UBE2O: variants seen among roughly 807,000 people sequenced by gnomAD.
UBE2O encodes ubiquitin conjugating enzyme E2 O.
A neutral mutation model predicts 125.8 loss-of-function variants in UBE2O; 15 were observed. The ratio of observed to expected loss-of-function variants is 0.12; its 90% CI spans 0.08 to 0.18. UBE2O has a LOEUF of 0.18. Among genes scored for constraint, UBE2O ranks in the 10% least tolerant of loss-of-function variants. UBE2O has a pLI of 1.00. For synonymous variants in UBE2O, 708 were observed against 703.2 expected, an observed-to-expected ratio of 1.01 and a Z score of -0.11; for missense variants, 1,280 against 1,723.6, an observed-to-expected ratio of 0.74 and a Z score of 4.56.
Position 76,398,575 on chromosome 17 carries a change from C to G in UBE2O, c.1793G>C (p.Cys598Ser). Residue 598 changes from cysteine (C) to serine (S), a missense_variant, in exon 11 of 18, where the codon TGT (cysteine) becomes TCT (serine). Cys to Ser is a moderately radical substitution (Grantham distance 112, BLOSUM62 -1). This residue lies in a region of UBE2O where 145 missense variants were observed against 219.6 expected (regional missense o/e 0.66). Coordinates refer to ENST00000319380, the MANE Select transcript of UBE2O (RefSeq NM_022066.4). The surrounding 1 kb of genome is among the most constrained non-coding windows in gnomAD (Gnocchi z 5.4). ...CACACCGTAGACAGCAGGGTCTGGA[C>G]AGCTCTGGACTAGGGAACCAGAGAA... Reference protein sequence around the residue: ...DFVVDKRVQSCPDPAVYGVVQ... With the variant: ...DFVVDKRVQSSPDPAVYGVVQ... 1 of 1,613,922 alleles carries G rather than the reference C, an allele frequency of 6.2e-7. No homozygotes were observed. The highest frequency in any genetic ancestry group is 8.5e-7 in the Non-Finnish European group (1 of 1,179,910).
Position 76,396,846 on chromosome 17 carries a change from G to T in UBE2O, c.2116-25C>A. The stretch of plus-strand genomic sequence containing the variant: ...GCTGGGGGCAGAAGGGAAGTGCCAG[G>T]GTAAGCAGACAGGAAGTCACCTCCC... On this transcript the variant is annotated intron_variant, in intron 13 of 17. Coordinates refer to ENST00000319380, the MANE Select transcript of UBE2O (RefSeq NM_022066.4). This position sits in a 1 kb window ranked among gnomAD's most constrained non-coding sequence, Gnocchi z 6.7. 6.4e-7 allele frequency: 1 copy of T among 1,551,040 alleles called. No homozygotes were observed. The highest frequency in any genetic ancestry group is 8.7e-7 in the Non-Finnish European group (1 of 1,146,768).
Position 76,400,416 on chromosome 17 carries a change from T to C in UBE2O, c.1004+25A>G. Reference sequence around the variant, plus strand: ...GCCCTGTCCCACGCGTGCCCCTGGGTTGCTGGCAGTAAGGGCATGCTTACC... The same window carrying C: ...GCCCTGTCCCACGCGTGCCCCTGGGCTGCTGGCAGTAAGGGCATGCTTACC... On this transcript the variant is annotated intron_variant, in intron 7 of 17. Transcript: ENST00000319380. This position sits in a 1 kb window ranked among gnomAD's most constrained non-coding sequence, Gnocchi z 4.3. The C allele has an allele frequency of 6.2e-7, 1 of 1,602,772 alleles. No homozygotes were observed. Among genetic ancestry groups the C allele is most frequent in the Non-Finnish European group, 8.5e-7 (1 of 1,173,096 alleles).
intron 1 of UBE2O, among the ~76,000 whole-genome samples, chr17:76,425,580 T>C (rs1035175784): frequency 2.0e-5 from 3 of 152,224 alleles, no homozygotes; most frequent in African/African-American, 7.2e-5. Context: ...ACCTAACTCT[T>C]ACCCTCCCCT....
In UBE2O at chr17:76,406,598, C is replaced by T. The variant is rs568993767; in HGVS notation, c.418-1026G>A. On this transcript the variant is annotated intron_variant, in intron 1 of 17. Transcript: ENST00000319380. ...AAAACAAACTCTGCTAGTAGAAGAACGTGACTCACAAAAAAAAAAAGGAAA... is the reference window on the plus strand; with the variant it reads ...AAAACAAACTCTGCTAGTAGAAGAATGTGACTCACAAAAAAAAAAAGGAAA... Among the ~76,000 whole-genome samples the T allele has an allele frequency of 3.8e-4, 56 of 148,866 alleles. No individual in the cohort carries two copies. In the South Asian group the frequency reaches 0.011, roughly 29 times the overall value.
intron 1 of UBE2O, among the ~76,000 whole-genome samples, chr17:76,436,253 T>C (rs2072996542): frequency 6.6e-6 from 1 of 152,038 alleles, no homozygotes; most frequent in Non-Finnish European, 1.5e-5. Flanking sequence ...TCTCAAAAAT[T>C]AATTAATTTA....
At position 76,415,961 on chromosome 17, in the gene UBE2O, G is replaced by A. The variant is rs142414938; in HGVS notation, c.418-10389C>T. Among the ~76,000 whole-genome samples the A allele has an allele frequency of 1.8e-4, 27 of 151,590 alleles. No homozygotes were observed. In the East Asian group the frequency reaches 4.1e-3, roughly 23 times the overall value. ...TATGCGTATACATATGCACATACAC[G>A]TATATACGTATGCGTATACATATGC... On this transcript the variant is annotated intron_variant, in intron 1 of 17. Coordinates refer to ENST00000319380, the MANE Select transcript of UBE2O (RefSeq NM_022066.4).
intron 1 of UBE2O, among the ~76,000 whole-genome samples, chr17:76,431,421 CAGG>C (rs2072904897): frequency 6.6e-6 from 1 of 152,130 alleles, no homozygotes; most frequent in South Asian, 2.1e-4. Flanking sequence ...GAGGCTGAGG[CAGG>C]AGAATTGCTT....
chr17:76,434,183 C>A (rs1350094189), intron 1 of UBE2O, among the ~76,000 whole-genome samples: 4 of 152,260 alleles, frequency 2.6e-5, no homozygotes, highest in Admixed American at 2.6e-4. Flanking sequence ...AGCGAAATGA[C>A]CCCGAGGATC....
At position 76,391,472 on chromosome 17, in the gene UBE2O, C is replaced by T. The variant is rs147935488; in HGVS notation, c.3350G>A (p.Arg1117Gln). 6.3e-5 allele frequency: 102 copies of T among 1,613,870 alleles called. No homozygotes were observed. Among genetic ancestry groups the T allele is most frequent in the Admixed American group, 2.0e-4 (12 of 60,016 alleles). Residue 1117 changes from arginine (R) to glutamine (Q), a missense_variant, in exon 18 of 18, where the codon CGG (arginine) becomes CAG (glutamine). By Grantham distance (43) the Arg-to-Gln change is conservative (BLOSUM62 1). This residue lies in a region of UBE2O where 233 missense variants were observed against 279.0 expected (regional missense o/e 0.84). Transcript: ENST00000319380. The surrounding 1 kb of genome is among the most constrained non-coding windows in gnomAD (Gnocchi z 8.4). The part of the protein sequence containing the change: ...RVVQSMTQLV[R>Q]RPPEVFEQEI... ...CTGCTCAAAGACCTCGGGGGGCCGC[C>T]GCACCAGCTGGGTCATGGACTGCAC...
rs757546901 is a variant in UBE2O, at chr17:76,396,106, G to A, written c.2809+22C>T. 3 of 1,608,738 alleles carry A rather than the reference G, an allele frequency of 1.9e-6. No homozygotes were observed. The highest frequency in any genetic ancestry group is 1.7e-5 in the Admixed American group (1 of 59,536). On this transcript the variant is annotated intron_variant, in intron 14 of 17. Transcript: ENST00000319380. The surrounding 1 kb of genome is among the most constrained non-coding windows in gnomAD (Gnocchi z 6.7). The stretch of plus-strand genomic sequence containing the variant: ...CCCCGAGAAGGCGGGGGAAGGCGAA[G>A]ACCAGGCAAGGGCTGACTCACAGGG...
chr17:76,432,705 G>A (rs775202975), intron 1 of UBE2O, among the ~76,000 whole-genome samples: 6 of 152,226 alleles, frequency 3.9e-5, no homozygotes, highest in Non-Finnish European at 8.8e-5. Context: ...CCATGGGAGA[G>A]AGGGAAGATC....
At chr17:76,439,910 A>G (rs1182130511) in intron 1 of UBE2O, among the ~76,000 whole-genome samples, 2 of 152,184 alleles carry the variant, frequency 1.3e-5, no homozygotes, top group Non-Finnish European at 2.9e-5. Flanking sequence ...CCTTATGTGC[A>G]TCAGTCATTC....
At chr17:76,415,795 CTGTGTGTG>C (rs34127040) in intron 1 of UBE2O, among the ~76,000 whole-genome samples, 100 of 143,282 alleles carry the variant, frequency 7.0e-4, no homozygotes, top group Middle Eastern at 3.6e-3. Flanking sequence ...CAGAGCAAGA[CTGTGTGTG>C]TGTGTGTGTG....
In UBE2O at chr17:76,402,708, CA is replaced by C; in HGVS notation, c.589-10del. ...TCCCCATACATGAAGGGCTGCAGACCAAGGAGGCAGGGGCAGTGAGACACAG... is the reference window on the plus strand; with the variant it reads ...TCCCCATACATGAAGGGCTGCAGACCAGGAGGCAGGGGCAGTGAGACACAG... On this transcript the variant is annotated splice_polypyrimidine_tract_variant and intron_variant, in intron 3 of 17. Transcript: ENST00000319380. This position sits in a 1 kb window ranked among gnomAD's most constrained non-coding sequence, Gnocchi z 5.4. 1.9e-6 allele frequency: 3 copies of C among 1,612,224 alleles called. No individual in the cohort carries two copies. Among genetic ancestry groups the C allele is most frequent in the African/African-American group, 2.7e-5 (2 of 74,974 alleles).
chr17:76,447,499 A>G (rs2073169779), intron 1 of UBE2O, among the ~76,000 whole-genome samples: 1 of 152,164 alleles, frequency 6.6e-6, no homozygotes, highest in Admixed American at 6.6e-5. Flanking sequence ...CATCTTTGTA[A>G]TTTATAATCT....
rs149058286 is a variant in UBE2O at position 76,435,820 on chromosome 17, C to T, written c.417+16905G>A. Among the ~76,000 whole-genome samples the T allele has an allele frequency of 7.2e-4, 109 of 152,274 alleles. 2 individuals carry two copies. Among genetic ancestry groups the T allele is most frequent in the Non-Finnish European group, 4.4e-4 (30 of 68,030 alleles). On this transcript the variant is annotated intron_variant, in intron 1 of 17. Coordinates refer to ENST00000319380, the MANE Select transcript of UBE2O (RefSeq NM_022066.4). ...GAAGGCACGACAGACCAGCCTGTCCCGCAAAGCTCAGTGACACCCCGGCAC... is the reference window on the plus strand; with the variant it reads ...GAAGGCACGACAGACCAGCCTGTCCTGCAAAGCTCAGTGACACCCCGGCAC...
Position 76,453,026 on chromosome 17 carries a change from G to T in UBE2O, c.116C>A (p.Ala39Asp). The T allele has an allele frequency of 6.9e-7, 1 of 1,440,584 alleles. No individual in the cohort carries two copies. Among genetic ancestry groups the T allele is most frequent in the Non-Finnish European group, 9.1e-7 (1 of 1,098,032 alleles). The allele number at this position is 1,440,584 out of a possible 1,614,324, so 89.2% of individuals were successfully genotyped here. ...AAAPVPAPAP[A>D]SDSASGPSSD... is the part of the protein sequence containing the mutation. ...GGACGGCCCGGAGGCCGAGTCCGAGGCGGGCGCCGGCGCCGGGACGGGGGC... is the reference window on the plus strand; with the variant it reads ...GGACGGCCCGGAGGCCGAGTCCGAGTCGGGCGCCGGCGCCGGGACGGGGGC... Residue 39 changes from alanine to aspartate, a missense_variant, in exon 1 of 18, where the codon GCC becomes GAC. Physicochemically the swap from Ala to Asp is moderately radical, Grantham distance 126. Coordinates refer to ENST00000319380, the MANE Select transcript of UBE2O (RefSeq NM_022066.4).
In UBE2O at chr17:76,396,505, A is replaced by C; in HGVS notation, c.2432T>G (p.Phe811Cys). Residue 811 changes from phenylalanine (F) to cysteine (C), a missense_variant, in exon 14 of 18, where the codon TTC (phenylalanine) becomes TGC (cysteine). Physicochemically the swap from Phe to Cys is radical, Grantham distance 205. Coordinates refer to ENST00000319380, the MANE Select transcript of UBE2O (RefSeq NM_022066.4). This position sits in a 1 kb window ranked among gnomAD's most constrained non-coding sequence, Gnocchi z 6.7. ...CTTGATGGCCTCTTTCAACTCCCGG[A>C]AGCTCTTGGGTGGCCCGTCCTTGCC... is the stretch of plus-strand genomic sequence containing the variant. Reference protein sequence around the residue: ...KAGKDGPPKSFRELKEAIKIL... With the variant: ...KAGKDGPPKSCRELKEAIKIL... 1.2e-6 allele frequency: 2 copies of C among 1,613,708 alleles called. No homozygotes were observed. The highest frequency in any genetic ancestry group is 2.2e-5 in the South Asian group (2 of 91,044).
intron 1 of UBE2O, among the ~76,000 whole-genome samples, chr17:76,411,903 G>C (rs2072523379): frequency 6.6e-6 from 1 of 151,896 alleles, no homozygotes; most frequent in South Asian, 2.1e-4. Context: ...GGCTGTTCTT[G>C]AACTCCTGAG....
Sources: allele counts gnomAD v4.1 joint callset (sites outside exome capture counted in the v4.1 genomes callset), GRCh38; gene constraint gnomAD v4.1.1; regional missense constraint gnomAD v4.1.1; non-coding constraint Gnocchi (gnomAD v3.1); transcripts MANE v1.5; gene names NCBI Gene and HGNC (gene_info 2026-07-23, HGNC 2026-07-21).